The following ZNF274 variants were observed in gnomAD, a reference collection of about 807,000 sequenced individuals.
ZNF274 encodes neurotrophin receptor-interacting factor homolog.
A neutral mutation model predicts 42.5 loss-of-function variants in ZNF274; 23 were observed. The observed-to-expected ratio is 0.54, with a 90% CI of 0.39 to 0.77. ZNF274 has a LOEUF of 0.77. Among genes scored for constraint, ZNF274 ranks in the 30% least tolerant of loss-of-function variants. ZNF274 has a pLI of 0.00. For missense variants in ZNF274, 679 were observed against 806.5 expected, an observed-to-expected ratio of 0.84 and a Z score of 1.91; for synonymous variants, 292 against 305.4, an observed-to-expected ratio of 0.96 and a Z score of 0.46.
At chr19:58,201,722 G>T (rs569130986) in intron 4 of ZNF274, among the ~76,000 whole-genome samples, 24 of 151,758 alleles carry the variant, frequency 1.6e-4, no homozygotes, top group African/African-American at 5.6e-4. Flanking sequence ...TCACCATATT[G>T]GCCAGGCTGG....
Position 58,208,970 on chromosome 19 carries a change from T to C in ZNF274, c.740-991T>C, listed in dbSNP as rs1317563080. The C allele has an allele frequency of 6.6e-6, 1 of 152,178 alleles. No individual in the cohort carries two copies. The highest frequency in any genetic ancestry group is 2.4e-5 in the African/African-American group (1 of 41,420). 9.4% of individuals were successfully genotyped at this position (152,178 alleles called of 1,614,324 possible). A position where few individuals can be genotyped will look rare whatever the true frequency, so the allele number is the denominator to read the frequency against. Reference sequence around the variant, plus strand: ...ACCCTGAGAATCTCACATTATGTGATCAGTGTGTTAGTTGGGACGCTTGAG... The same window carrying C: ...ACCCTGAGAATCTCACATTATGTGACCAGTGTGTTAGTTGGGACGCTTGAG... On this transcript the variant is annotated intron_variant, in intron 5 of 7. Transcript: ENST00000617501. This position sits in a 1 kb window ranked among gnomAD's most constrained non-coding sequence, Gnocchi z 4.5.
intron 4 of ZNF274, among the ~76,000 whole-genome samples, chr19:58,203,174 C>G (rs939783093): frequency 1.3e-5 from 2 of 152,124 alleles, no homozygotes; most frequent in Admixed American, 6.5e-5. Flanking sequence ...AGCCCCCCCC[C>G]AGGAAGTACA....
intron 2 of ZNF274, 55 bp downstream of exon 2, chr19:58,184,053 G>A: frequency 1.9e-6 from 3 of 1,554,176 alleles, no homozygotes; most frequent in Non-Finnish European, 1.7e-6. Context: ...GGGAGGATGC[G>A]GATGGTGGTG....
intron 1 of ZNF274, 159 bp from the exon 2 acceptor site, chr19:58,183,762 T>G: frequency 1.8e-6 from 1 of 570,256 alleles, no homozygotes; most frequent in Non-Finnish European, 3.1e-6. Flanking sequence ...ACTGGTCCTA[T>G]CCAGTCCTGT....
intron 4 of ZNF274, among the ~76,000 whole-genome samples, chr19:58,201,379 C>G (rs575834202): frequency 1.2e-4 from 18 of 151,934 alleles, no homozygotes; most frequent in African/African-American, 4.1e-4. Context: ...CTAAGCCATT[C>G]TTGAAGGTTC....
chr19:58,188,696 A>ATATATATATATATATATATATG (rs2075739917), intron 4 of ZNF274, among the ~76,000 whole-genome samples: 6 of 46,346 alleles, frequency 1.3e-4, no homozygotes, highest in Non-Finnish European at 2.7e-4. Context: ...ATGTATATGT[A>ATATATATATATATATATATATG]TATATATATA....
At chr19:58,193,142 ATCTTTTT>A (rs1439827190) in intron 4 of ZNF274, among the ~76,000 whole-genome samples, 1 of 148,968 alleles carries the variant, frequency 6.7e-6, no homozygotes, top group Non-Finnish European at 1.5e-5. Flanking sequence ...TTTTGTCACT[ATCTTTTT>A]TCTTTTTTTT....
At chr19:58,203,962 T>G (rs1227998513) in intron 4 of ZNF274, among the ~76,000 whole-genome samples, 3 of 152,236 alleles carry the variant, frequency 2.0e-5, no homozygotes, top group Admixed American at 6.5e-5. Context: ...GCGCGGGCAC[T>G]GGCTCTGGGC....
chr19:58,185,110 A>C (rs2075681522), intron 2 of ZNF274, among the ~76,000 whole-genome samples: 1 of 135,248 alleles, frequency 7.4e-6, no homozygotes. Context: ...ACAGAGAGAG[A>C]CTCCGTCTCA....
At position 58,213,468 on chromosome 19, in the gene ZNF274, C is replaced by T. The variant is rs76212208; in HGVS notation, c.*325C>T. 2,424 of 268,812 alleles carry T rather than the reference C, an allele frequency of 9.0e-3. 48 individuals are homozygous for T. The highest frequency in any genetic ancestry group is 0.047 in the African/African-American group (2,155 of 46,152). 16.7% of individuals were successfully genotyped at this position (268,812 alleles called of 1,614,324 possible). On this transcript the variant is annotated 3_prime_UTR_variant, in exon 8 of 8. Coordinates refer to ENST00000617501, the MANE Select transcript of ZNF274 (RefSeq NM_133502.3). ...AAAGCCAGGTAATTAATAATCTGCACTGATATTACATCCACAGTACCACAG... is the reference window on the plus strand; with the variant it reads ...AAAGCCAGGTAATTAATAATCTGCATTGATATTACATCCACAGTACCACAG...
At chr19:58,192,336 A>G (rs2075787100) in intron 4 of ZNF274, among the ~76,000 whole-genome samples, 1 of 152,214 alleles carries the variant, frequency 6.6e-6, no homozygotes, top group Non-Finnish European at 1.5e-5. Context: ...TATACTTGGT[A>G]ATACCTGCTA....
At chr19:58,186,219 T>C (rs1247526953) in intron 3 of ZNF274, 1 of 147,070 alleles carries the variant, frequency 6.8e-6, no homozygotes. Flanking sequence ...TTCCAGACAA[T>C]GCGATGCCAG....
In ZNF274 at chr19:58,198,617, CTG is replaced by C. The variant is rs58684311; in HGVS notation, c.257-8100_257-8099del. Among the ~76,000 whole-genome samples, 1,034 of 152,212 alleles carry C rather than the reference CTG, an allele frequency of 6.8e-3. 10 individuals are homozygous for C. Among genetic ancestry groups the C allele is most frequent in the African/African-American group, 0.024 (989 of 41,520 alleles). On this transcript the variant is annotated intron_variant, in intron 4 of 7. Coordinates refer to ENST00000617501, the MANE Select transcript of ZNF274 (RefSeq NM_133502.3). ...TAATTTTCGGAGGTGCTGCCCATAA[CTG>C]TGATCATATGGAAATGGTAGCTCCT...
In ZNF274 at chr19:58,212,741, A is replaced by T; in HGVS notation, c.1560A>T (p.Arg520Ser). 6.2e-7 allele frequency: 1 copy of T among 1,613,982 alleles called. No individual in the cohort carries two copies. The highest frequency in any genetic ancestry group is 8.5e-7 in the Non-Finnish European group (1 of 1,179,894). ...GTGGTAAAATATTCCGGAACCCAAG[A>T]TACTTTTCTGTGCATAAGAAAATCC... ...SECGKIFRNPRYFSVHKKIHT... is the reference protein window; with the variant it reads ...SECGKIFRNPSYFSVHKKIHT... The change falls in exon 8 of 8, where the codon AGA (arginine) becomes AGT (serine). Residue 520 changes from arginine to serine, a missense_variant. Coordinates refer to ENST00000617501, the MANE Select transcript of ZNF274 (RefSeq NM_133502.3). This position sits in a 1 kb window ranked among gnomAD's most constrained non-coding sequence, Gnocchi z 4.6.
intron 4 of ZNF274, among the ~76,000 whole-genome samples, chr19:58,201,107 C>A (rs977152486): frequency 6.6e-6 from 1 of 151,096 alleles, no homozygotes; most frequent in Admixed American, 6.6e-5. Flanking sequence ...TGAGTTCAAG[C>A]GATTCTCCCA....
intron 4 of ZNF274, among the ~76,000 whole-genome samples, chr19:58,199,760 C>T (rs181938149): frequency 1.3e-5 from 2 of 152,198 alleles, no homozygotes; most frequent in Non-Finnish European, 2.9e-5. Flanking sequence ...TCAAATTTGA[C>T]ATGGATATAC....
intron 1 of ZNF274, 139 bp from the exon 2 acceptor site, chr19:58,183,782 A>C: frequency 1.7e-6 from 1 of 600,320 alleles, no homozygotes; most frequent in Non-Finnish European, 3.0e-6. Context: ...TGGGAGTCCT[A>C]TGACTCACTC....
chr19:58,188,948 T>G (rs1322657826), intron 4 of ZNF274, among the ~76,000 whole-genome samples: 1 of 151,746 alleles, frequency 6.6e-6, no homozygotes, highest in African/African-American at 2.4e-5. Context: ...GACAACTCTT[T>G]TTCTTCTTTA....
At chr19:58,194,449 C>T (rs967577558) in intron 4 of ZNF274, among the ~76,000 whole-genome samples, 2 of 135,510 alleles carry the variant, frequency 1.5e-5, no homozygotes, top group African/African-American at 5.5e-5. Flanking sequence ...CCCCATCTCA[C>T]ATCACTGCAA....
Sources: gnomAD v4.1 joint callset for allele counts (sites outside exome capture counted in the v4.1 genomes callset) on GRCh38, gnomAD v4.1.1 for gene constraint, Gnocchi (gnomAD v3.1) non-coding constraint, MANE v1.5 for transcripts, NCBI Gene and HGNC (gene_info 2026-07-23, HGNC 2026-07-21) for gene names.